Variants in PRKDC observed in about 807,000 individuals in gnomAD.
PRKDC encodes DNA-dependent protein kinase catalytic subunit.
A neutral mutation model predicts 486.9 loss-of-function variants in PRKDC; 82 were observed. That is an observed-to-expected ratio of 0.17 (90% CI 0.14 to 0.20). The LOEUF (loss-of-function observed/expected upper bound fraction) is 0.20, where lower values mean the gene tolerates loss of function less well. PRKDC is among the 10% of genes least tolerant of loss of function. The probability of loss-of-function intolerance (pLI) is 1.00; values close to 1 mark genes in which losing one functional copy is unlikely to be tolerated. For missense variants in PRKDC, 4,504 were observed against 5,038.2 expected (o/e 0.89, Z 3.21); for synonymous variants, 1,895 against 1,837.0 (o/e 1.03, Z -0.81).
intron 40 of PRKDC, among the ~76,000 whole-genome samples, chr8:47,876,821 A>G (rs556132501): frequency 3.1e-4 from 47 of 152,322 alleles, no homozygotes; most frequent in African/African-American, 1.1e-3. Context: ...AAAGAATCAG[A>G]AAAATGGCCA....
At chr8:47,907,411 T>TATATAC (rs1442172975) in intron 25 of PRKDC, among the ~76,000 whole-genome samples, 11 of 148,870 alleles carry the variant, frequency 7.4e-5, no homozygotes, top group African/African-American at 1.5e-4. Context: ...TATATATATA[T>TATATAC]ACACACACAC....
At chr8:47,922,472 A>AG (rs2090087572) in intron 21 of PRKDC, among the ~76,000 whole-genome samples, 1 of 37,532 alleles carries the variant, frequency 2.7e-5, no homozygotes, top group South Asian at 1.6e-3. Context: ...ATTTCGTCTC[A>AG]AAAAAAAAAA....
rs571824266 is a variant in PRKDC at position 47,893,464 on chromosome 8, A to G, written c.3599-77T>C. On this transcript the variant is annotated intron_variant, in intron 30 of 85. Coordinates refer to ENST00000314191, the MANE Select transcript of PRKDC (RefSeq NM_006904.7). ...TCTAATCTTTGTACCTAAAATTTCA[A>G]AATGTTATGGGACAATCTTTTTTCA... 4 of 1,326,412 alleles carry G rather than the reference A, an allele frequency of 3.0e-6. No individual in the cohort carries two copies. In the South Asian group the frequency reaches 8.9e-5, roughly 29 times the overall value. 82.2% of individuals were successfully genotyped at this position (1,326,412 alleles called of 1,614,324 possible).
chr8:47,884,144 A>T lies in PRKDC; in HGVS notation c.4776+1800T>A, dbSNP rs570464333. Among the ~76,000 whole-genome samples, 17 of 152,372 alleles carry T rather than the reference A, an allele frequency of 1.1e-4. No individual in the cohort carries two copies. In the South Asian group the frequency reaches 3.5e-3, roughly 32 times the overall value. ...CCTGATGGTATCCACATATTCAGCCATGCCAGAGCCCCCAGTCTGGAGGTC... is the reference window on the plus strand; with the variant it reads ...CCTGATGGTATCCACATATTCAGCCTTGCCAGAGCCCCCAGTCTGGAGGTC... On this transcript the variant is annotated intron_variant, in intron 36 of 85. Transcript: ENST00000314191.
At chr8:47,866,290 C>T (rs938214291) in intron 40 of PRKDC, among the ~76,000 whole-genome samples, 2 of 152,024 alleles carry the variant, frequency 1.3e-5, no homozygotes, top group African/African-American at 4.8e-5. Flanking sequence ...ACTGGCAGCA[C>T]GTTCTTGGAC....
chr8:47,917,359 G>A lies in PRKDC; in HGVS notation c.2526+918C>T, dbSNP rs779142511. ...ATAAAATTATAAAAACTTTTATGCC[G>A]CCATTTCTAGTTTCATTCTAGTCTC... On this transcript the variant is annotated intron_variant, in intron 22 of 85. Transcript: ENST00000314191. Among the ~76,000 whole-genome samples the A allele has an allele frequency of 5.9e-5, 9 of 152,132 alleles. No homozygotes were observed. In the South Asian group the frequency reaches 1.0e-3, roughly 18 times the overall value.
chr8:47,897,019 C>G lies in PRKDC; in HGVS notation c.3598+142G>C. On this transcript the variant is annotated intron_variant, in intron 30 of 85. Coordinates refer to ENST00000314191, the MANE Select transcript of PRKDC (RefSeq NM_006904.7). ...CACATGCTGAAACAGAACTGCATTA[C>G]CTCATCAACTGTTAATATTCTGAAT... 1.3e-5 allele frequency: 12 copies of G among 932,922 alleles called. No homozygotes were observed. The South Asian group carries it at 2.7e-4, about 21-fold the overall frequency. 57.8% of individuals were successfully genotyped at this position (932,922 alleles called of 1,614,324 possible).
rs180691600 is a variant in PRKDC, at chr8:47,839,717, A to G, written c.7454+299T>C. 3.3e-5 allele frequency among the ~76,000 whole-genome samples: 5 copies of G among 152,376 alleles called. No homozygotes were observed. The East Asian group carries it at 9.6e-4, about 29-fold the overall frequency. ...AATTATTAATCATATGGTAAAAAAA[A>G]ATGTGTTATTATGTTCCAGATTGCT... On this transcript the variant is annotated intron_variant, in intron 55 of 85. Coordinates refer to ENST00000314191, the MANE Select transcript of PRKDC (RefSeq NM_006904.7).
rs906731404 is a variant in PRKDC, at chr8:47,774,308, G to A, written c.12252C>T (p.Ser4084=). Residue 4084 remains serine (S), a synonymous_variant, in exon 86 of 86, where the codon AGC becomes AGT. Transcript: ENST00000314191. ...FRDYVAVARG[S]KDHNIRAQEP... is the part of the protein sequence containing the mutation. ...CTTGGGCACGAATGTTGTGATCTTTGCTTCCTCGTGCCACAGCCACATAGT... is the reference window on the plus strand; with the variant it reads ...CTTGGGCACGAATGTTGTGATCTTTACTTCCTCGTGCCACAGCCACATAGT... 2.5e-5 allele frequency: 41 copies of A among 1,613,144 alleles called. No homozygotes were observed. Among genetic ancestry groups the A allele is most frequent in the Non-Finnish European group, 3.5e-5 (41 of 1,179,686 alleles).
At chr8:47,826,255 A>C (rs2087736114) in intron 63 of PRKDC, among the ~76,000 whole-genome samples, 1 of 152,250 alleles carries the variant, frequency 6.6e-6, no homozygotes, top group Non-Finnish European at 1.5e-5. Flanking sequence ...TAACTGATTT[A>C]AACTCTTTCT....
chr8:47,855,195 C>T (rs1268648606), intron 50 of PRKDC, 27 bp downstream of exon 50: 2 of 1,546,092 alleles, frequency 1.3e-6, no homozygotes, highest in Non-Finnish European at 1.7e-6. Flanking sequence ...AATTTCTAAA[C>T]AATACTGCAA....
At chr8:47,943,443 A>G (rs2090479560) in intron 9 of PRKDC, 77 bp from the exon 10 acceptor site, 1 of 1,428,372 alleles carries the variant, frequency 7.0e-7, no homozygotes, top group Admixed American at 2.5e-5. Context: ...CTGCAGGGAT[A>G]TGTCAAAGTC....
At chr8:47,806,927 C>T (rs760074332) in intron 69 of PRKDC, among the ~76,000 whole-genome samples, 1 of 152,098 alleles carries the variant, frequency 6.6e-6, no homozygotes, top group Non-Finnish European at 1.5e-5. Context: ...AATTTCTGGG[C>T]TCAAGTGATC....
chr8:47,787,302 T>C (rs760020986), intron 76 of PRKDC, among the ~76,000 whole-genome samples: 5 of 152,216 alleles, frequency 3.3e-5, no homozygotes, highest in Admixed American at 6.5e-5. Flanking sequence ...CAATCCACTA[T>C]AGGAAAATTG....
intron 31 of PRKDC, among the ~76,000 whole-genome samples, chr8:47,892,487 C>T: frequency 6.6e-6 from 1 of 152,090 alleles, no homozygotes; most frequent in Non-Finnish European, 1.5e-5. Context: ...TGCATCACCA[C>T]GCCTGACTAA....
chr8:47,947,395 A>G (rs1297695409), intron 7 of PRKDC, among the ~76,000 whole-genome samples: 1 of 152,144 alleles, frequency 6.6e-6, no homozygotes, highest in East Asian at 1.9e-4. Context: ...TGTCTCCTCC[A>G]CTAGACTGAG....
chr8:47,887,545 A>AC lies in PRKDC; in HGVS notation c.4572+1dup. On this transcript the variant is annotated splice_donor_variant, in intron 35 of 85. Transcript: ENST00000314191. LOFTEE classifies it high-confidence loss of function. ...TGCAGCATGCAGAGGCGTTTTTCCT[A>AC]CCAGTCCTCCAAAAGCAAAGGCTAA... The AC allele has an allele frequency of 6.4e-7, 1 of 1,574,080 alleles. No individual in the cohort carries two copies. The highest frequency in any genetic ancestry group is 2.3e-5 in the East Asian group (1 of 43,558).
At chr8:47,873,787 T>C (rs1408252220) in intron 40 of PRKDC, among the ~76,000 whole-genome samples, 1 of 152,098 alleles carries the variant, frequency 6.6e-6, no homozygotes, top group Non-Finnish European at 1.5e-5. Context: ...TCTCACTTAC[T>C]TGTGGCATCC....
intron 76 of PRKDC, among the ~76,000 whole-genome samples, chr8:47,786,981 G>C (rs6984730): frequency 1 from 152,144 of 152,158 alleles, 76,065 homozygotes; most frequent in Non-Finnish European, 1. Context: ...CCCGCCTCGC[G>C]CTCCCAAAGT....
Sources: gnomAD v4.1 joint callset for allele counts (sites outside exome capture counted in the v4.1 genomes callset) on GRCh38, gnomAD v4.1.1 for gene constraint, MANE v1.5 for transcripts, NCBI Gene and HGNC (gene_info 2026-07-23, HGNC 2026-07-21) for gene names.